The following WIPI1 variants were observed in gnomAD, a reference collection of about 807,000 sequenced individuals.
WIPI1 encodes WD repeat domain, phosphoinositide interacting 1.
A neutral mutation model predicts 55.3 loss-of-function variants in WIPI1; 45 were observed. The observed-to-expected ratio is 0.81, with a 90% CI of 0.64 to 1.04. The LOEUF (loss-of-function observed/expected upper bound fraction) is 1.04, where lower values mean the gene tolerates loss of function less well. Ranked by LOEUF, WIPI1 falls within the 50% of genes least tolerant of loss-of-function variation. The pLI is 0.00. For missense variants in WIPI1, 445 were observed against 559.0 expected (o/e 0.80, Z 2.06); for synonymous variants, 195 against 217.6 (o/e 0.90, Z 0.92).
At chr17:68,434,748 G>A (rs16972958) in intron 6 of WIPI1, 122 bp from the exon 7 acceptor site, 90,302 of 910,482 alleles carry the variant, frequency 0.099, 5,462 homozygotes, top group South Asian at 0.19. Flanking sequence ...AGAACACCAC[G>A]TTGAGCATAG....
intron 12 of WIPI1, among the ~76,000 whole-genome samples, chr17:68,424,783 A>C (rs1568618470): frequency 6.6e-6 from 1 of 152,192 alleles, no homozygotes; most frequent in East Asian, 1.9e-4. Context: ...AGGCTGAGGC[A>C]GGAGAATTGC....
intron 4 of WIPI1, among the ~76,000 whole-genome samples, chr17:68,437,038 A>G (rs8072178): frequency 0.64 from 76,580 of 119,074 alleles, 20,623 homozygotes; most frequent in African/African-American, 0.71. Context: ...GTGTGTGTGT[A>G]TATATTGCTC....
intron 3 of WIPI1, among the ~76,000 whole-genome samples, chr17:68,449,065 CATTT>C (rs2084394909): frequency 2.0e-5 from 3 of 152,120 alleles, no homozygotes; most frequent in Non-Finnish European, 4.4e-5. Context: ...ATTTAAAAAG[CATTT>C]ATTTGTCTCA....
chr17:68,428,652 T>A, intron 10 of WIPI1, 177 bp downstream of exon 10: 1 of 574,040 alleles, frequency 1.7e-6, no homozygotes, highest in Admixed American at 3.0e-5. Flanking sequence ...TACCACATGC[T>A]GAGGGCACCT....
chr17:68,428,903 T>A lies in WIPI1; in HGVS notation c.999A>T (p.Ser333=). Residue 333 remains serine, a synonymous_variant, in exon 10 of 13, where the codon TCA becomes TCT. Coordinates refer to ENST00000262139, the MANE Select transcript of WIPI1 (RefSeq NM_017983.7). ...TGTACATATAAAGGTGTCCACTGGA[T>A]GACGCAACTAGCAGCCGTGGCAACT... ...IQKLPRLLVA[S]SSGHLYMYNL... The A allele has an allele frequency of 6.2e-7, 1 of 1,614,160 alleles. No individual in the cohort carries two copies. Among genetic ancestry groups the A allele is most frequent in the Non-Finnish European group, 8.5e-7 (1 of 1,180,016 alleles).
At chr17:68,426,251 G>GGGGGT in intron 11 of WIPI1, 76 bp from the exon 12 acceptor site, 1 of 825,454 alleles carries the variant, frequency 1.2e-6, no homozygotes, top group Non-Finnish European at 1.9e-6. Flanking sequence ...GTGGGGAGCG[G>GGGGGT]GGGCTCAAAT....
At chr17:68,426,247 A>C (rs3744304) in intron 11 of WIPI1, 72 bp from the exon 12 acceptor site, 3 of 655,804 alleles carry the variant, frequency 4.6e-6, no homozygotes, top group East Asian at 4.3e-5. Flanking sequence ...GCGGGTGGGG[A>C]GCGGGGGCTC....
intron 9 of WIPI1, among the ~76,000 whole-genome samples, chr17:68,429,498 A>G (rs183999737): frequency 1.3e-5 from 2 of 152,218 alleles, no homozygotes; most frequent in Non-Finnish European, 2.9e-5. Context: ...TAAAATTCCC[A>G]TGCCAACTTC....
chr17:68,434,627 C>A lies in WIPI1; in HGVS notation c.622-1G>T, dbSNP rs2083695967. The stretch of plus-strand genomic sequence containing the variant: ...CAGAGAACACCCGGATGACTGTGCC[C>A]TGGAAAAGAAAGCAGGTGGACATTT... On this transcript the variant is annotated splice_acceptor_variant, in intron 6 of 12. Transcript: ENST00000262139. LOFTEE classifies it high-confidence loss of function. 2 of 1,613,806 alleles carry A rather than the reference C, an allele frequency of 1.2e-6. No homozygotes were observed. Among genetic ancestry groups the A allele is most frequent in the Non-Finnish European group, 8.5e-7 (1 of 1,179,868 alleles).
chr17:68,424,877 AAAAAC>A (rs986210064), intron 12 of WIPI1, among the ~76,000 whole-genome samples: 5 of 152,368 alleles, frequency 3.3e-5, no homozygotes, highest in Admixed American at 2.0e-4. Flanking sequence ...ACTCCGTCTC[AAAAAC>A]AAAACAAAAC....
At chr17:68,449,300 C>T (rs917468564) in intron 3 of WIPI1, among the ~76,000 whole-genome samples, 4 of 152,190 alleles carry the variant, frequency 2.6e-5, no homozygotes, top group East Asian at 1.9e-4. Flanking sequence ...TCTACCAGGT[C>T]GTATAATGGT....
chr17:68,426,254 G>GGGGGGGGGGGGCCCCCCCCCCCC, intron 11 of WIPI1, 79 bp from the exon 12 acceptor site: 1 of 816,924 alleles, frequency 1.2e-6, no homozygotes, highest in Non-Finnish European at 1.9e-6. Flanking sequence ...GGGAGCGGGG[G>GGGGGGGGGGGGCCCCCCCCCCCC]CTCAAATAAA....
At chr17:68,421,959 C>G (rs2082810174) in intron 12 of WIPI1, 139 bp from the exon 13 acceptor site, 2 of 999,822 alleles carry the variant, frequency 2.0e-6, no homozygotes, top group East Asian at 2.4e-5. Flanking sequence ...TGAACTCGCT[C>G]ATGGCCACAG....
At chr17:68,430,806 G>A (rs1272764281) in intron 8 of WIPI1, among the ~76,000 whole-genome samples, 5 of 152,212 alleles carry the variant, frequency 3.3e-5, no homozygotes, top group Non-Finnish European at 7.3e-5. Flanking sequence ...CCCACACAGA[G>A]GGTGGCACAT....
chr17:68,429,075 G>A (rs1349645424), intron 9 of WIPI1, 139 bp from the exon 10 acceptor site: 2 of 643,218 alleles, frequency 3.1e-6, no homozygotes, highest in East Asian at 2.8e-5. Context: ...TCTGGTCTGG[G>A]CTTCTGGCTA....
chr17:68,431,482 AGGGGGAC>A (rs1316247291), intron 8 of WIPI1, among the ~76,000 whole-genome samples: 2 of 152,008 alleles, frequency 1.3e-5, no homozygotes, highest in Non-Finnish European at 2.9e-5. Context: ...GGTCTGACTC[AGGGGGAC>A]GGGAGGAGCT....
rs2083268887 is a variant in WIPI1, at chr17:68,427,393, A to G, written c.1074-140T>C. The G allele has an allele frequency of 1.1e-5, 7 of 632,338 alleles. No homozygotes were observed. In the South Asian group the frequency reaches 1.2e-4, roughly 11 times the overall value. The allele number at this position is 632,338 out of a possible 1,614,324, so 39.2% of individuals were successfully genotyped here. On this transcript the variant is annotated intron_variant, in intron 10 of 12. Transcript: ENST00000262139. ...TATTTTTGAGGCAGGGTCTTGCTCT[A>G]TTGCCCAGGCTGGAGTGCAGTGGCG...
chr17:68,451,143 C>T (rs535704561), intron 2 of WIPI1, among the ~76,000 whole-genome samples: 2 of 152,340 alleles, frequency 1.3e-5, no homozygotes, highest in East Asian at 3.9e-4. Flanking sequence ...AAAGAAAACA[C>T]TAGTGGCCTG....
rs139507696 is a variant in WIPI1, at chr17:68,450,785, T to A, written c.276A>T (p.Thr92=). 1.2e-6 allele frequency: 2 copies of A among 1,614,048 alleles called. No homozygotes were observed. Among genetic ancestry groups the A allele is most frequent in the Non-Finnish European group, 1.7e-6 (2 of 1,179,912 alleles). ...QMNVYHFKKG[T]EICNYSYSSN... ...TGGAGTAGCTGTAATTACAGATCTC[T>A]GTGCCTTTCTTGAAGTGATACACGT... Residue 92 remains threonine (T), a synonymous_variant, in exon 3 of 13, where the codon ACA becomes ACT. Coordinates refer to ENST00000262139, the MANE Select transcript of WIPI1 (RefSeq NM_017983.7).
Sources: allele counts gnomAD v4.1 joint callset (sites outside exome capture counted in the v4.1 genomes callset), GRCh38; gene constraint gnomAD v4.1.1; transcripts MANE v1.5; gene names NCBI Gene and HGNC (gene_info 2026-07-23, HGNC 2026-07-21).